Variants in ELFN1 observed in about 807,000 individuals in gnomAD.
The protein encoded by ELFN1 is protein ELFN1.
In ELFN1, 6 loss-of-function variants were observed where a neutral mutation model predicts 7.6. The ratio of observed to expected loss-of-function variants is 0.79; its 90% CI spans 0.43 to 1.56. The LOEUF is 1.56. Among genes scored for constraint, ELFN1 ranks in the 40% most tolerant of loss-of-function variants. ELFN1 has a pLI of 0.01. For synonymous variants in ELFN1, 657 were observed against 588.1 expected, an observed-to-expected ratio of 1.12 and a Z score of -1.70; for missense variants, 1,169 against 1,232.2, an observed-to-expected ratio of 0.95 and a Z score of 0.77.
chr7:1,731,629 C>T (rs1012671287), intron 3 of ELFN1, among the ~76,000 whole-genome samples: 5 of 152,170 alleles, frequency 3.3e-5, no homozygotes, highest in East Asian at 1.9e-4. Flanking sequence ...TGACATATGC[C>T]GATTTCGGAT....
intron 1 of ELFN1, among the ~76,000 whole-genome samples, chr7:1,678,125 A>T (rs1329373019): frequency 6.6e-6 from 1 of 152,168 alleles, no homozygotes; most frequent in African/African-American, 2.4e-5. Context: ...ACTCAGCTGA[A>T]TGGGCAGCTC....
chr7:1,709,821 C>A (rs989401117), intron 3 of ELFN1, among the ~76,000 whole-genome samples: 1 of 152,212 alleles, frequency 6.6e-6, no homozygotes, highest in Admixed American at 6.5e-5. Flanking sequence ...TTTGGTGACC[C>A]AGTTATGCTG....
chr7:1,683,565 G>A (rs769827036), intron 1 of ELFN1, among the ~76,000 whole-genome samples: 27 of 152,136 alleles, frequency 1.8e-4, no homozygotes, highest in Non-Finnish European at 2.5e-4. Flanking sequence ...TCAAGTTGGC[G>A]GTAATATTCA....
intron 3 of ELFN1, among the ~76,000 whole-genome samples, chr7:1,732,859 G>A (rs972656433): frequency 1.3e-5 from 2 of 152,136 alleles, no homozygotes; most frequent in African/African-American, 2.4e-5. Context: ...ACAAGCTTCG[G>A]GGAAAGGCTG....
intron 1 of ELFN1, among the ~76,000 whole-genome samples, chr7:1,674,383 C>T (rs1778826992): frequency 6.6e-6 from 1 of 152,186 alleles, no homozygotes; most frequent in South Asian, 2.1e-4. Flanking sequence ...GCCCCGGTTG[C>T]CTCCCTTCTG....
At chr7:1,693,611 T>C (rs1236348085) in intron 2 of ELFN1, 4 of 471,108 alleles carry the variant, frequency 8.5e-6, no homozygotes, top group African/African-American at 8.0e-5. Context: ...CACCGCTGTG[T>C]GAACACCTCC....
chr7:1,736,031 C>A (rs1018074391), intron 3 of ELFN1, among the ~76,000 whole-genome samples: 2 of 152,136 alleles, frequency 1.3e-5, no homozygotes, highest in African/African-American at 4.8e-5. Flanking sequence ...GGTGCACAGG[C>A]GGGCCCCCCA....
chr7:1,698,960 C>T (rs1779370931), intron 2 of ELFN1, among the ~76,000 whole-genome samples: 2 of 152,220 alleles, frequency 1.3e-5, no homozygotes, highest in Admixed American at 6.5e-5. Flanking sequence ...TCCCCCACCT[C>T]AGGGTAAACA....
At position 1,745,754 on chromosome 7, in the gene ELFN1, C is replaced by T. The variant is rs756352333; in HGVS notation, c.1158C>T (p.Ala386=). The T allele has an allele frequency of 6.3e-5, 97 of 1,551,598 alleles. No homozygotes were observed. Among genetic ancestry groups the T allele is most frequent in the Middle Eastern group, 1.7e-4 (1 of 6,016 alleles). The change falls in exon 4 of 4, where the codon GCC becomes GCT. Residue 386 remains alanine (A), a synonymous_variant. Transcript: ENST00000424383. ...CCTACTGCGTGGTGTCCACCAGCGCCGGGCTGCGCCACAACCACACCTGCC... is the reference window on the plus strand; with the variant it reads ...CCTACTGCGTGGTGTCCACCAGCGCTGGGCTGCGCCACAACCACACCTGCC... ...NYTYCVVSTS[A]GLRHNHTCLT... is the part of the protein sequence containing the mutation.
At chr7:1,690,868 A>G (rs1193872896) in intron 2 of ELFN1, among the ~76,000 whole-genome samples, 3 of 152,042 alleles carry the variant, frequency 2.0e-5, no homozygotes, top group Non-Finnish European at 4.4e-5. Context: ...GGATGCTAGA[A>G]GGATATATGG....
intron 1 of ELFN1, among the ~76,000 whole-genome samples, chr7:1,674,504 G>A (rs750020779): frequency 9.9e-5 from 15 of 152,136 alleles, no homozygotes; most frequent in Middle Eastern, 3.2e-3. Context: ...GCCCCTATAG[G>A]GTGGGCAGAG....
At chr7:1,712,311 G>A (rs1295262107) in intron 3 of ELFN1, among the ~76,000 whole-genome samples, 1 of 152,164 alleles carries the variant, frequency 6.6e-6, no homozygotes, top group African/African-American at 2.4e-5. Context: ...TAGTAGAGAC[G>A]GGGTTTCACC....
chr7:1,747,407 C>G lies in ELFN1; in HGVS notation c.*324C>G. On this transcript the variant is annotated 3_prime_UTR_variant, in exon 4 of 4. Coordinates refer to ENST00000424383, the MANE Select transcript of ELFN1 (RefSeq NM_001128636.4). Reference sequence around the variant, plus strand: ...GGATTTTTTTTTCATTATCTTTCCTCTTTTGAGTCTTCTCTGCCTTTTCTT... The same window carrying G: ...GGATTTTTTTTTCATTATCTTTCCTGTTTTGAGTCTTCTCTGCCTTTTCTT... 1 of 229,246 alleles carries G rather than the reference C, an allele frequency of 4.4e-6. No individual in the cohort carries two copies. 14.2% of individuals were successfully genotyped at this position (229,246 alleles called of 1,614,324 possible). A position where few individuals can be genotyped will look rare whatever the true frequency, so the allele number is the denominator to read the frequency against.
rs764994517 is a variant in ELFN1, at chr7:1,746,249, G to A, written c.1653G>A (p.Ser551=). The change falls in exon 4 of 4, where the codon TCG becomes TCA. Residue 551 remains serine (S), a synonymous_variant. Coordinates refer to ENST00000424383, the MANE Select transcript of ELFN1 (RefSeq NM_001128636.4). ...GGCCGGGCCCCGACAGCCAGAGTTC[G>A]GTGGCCGAGATCTCCACCATCGCCA... ...LGRPGPDSQS[S]VAEISTIAKE... is the part of the protein sequence containing the mutation. 2.3e-5 allele frequency: 35 copies of A among 1,515,318 alleles called. No individual in the cohort carries two copies. Among genetic ancestry groups the A allele is most frequent in the African/African-American group, 7.1e-5 (5 of 69,996 alleles). 93.9% of individuals were successfully genotyped at this position (1,515,318 alleles called of 1,614,324 possible).
upstream of ELFN1, among the ~76,000 whole-genome samples, chr7:1,666,833 C>T (rs1332737739): frequency 6.6e-6 from 1 of 151,876 alleles, no homozygotes; most frequent in Non-Finnish European, 1.5e-5. This position sits in a 1 kb window ranked among gnomAD's most constrained non-coding sequence, Gnocchi z 7.9. Flanking sequence ...GCTTGAACCT[C>T]CGGAGGGGGT....
At chr7:1,725,110 T>C (rs1436161185) in intron 3 of ELFN1, among the ~76,000 whole-genome samples, 1 of 151,816 alleles carries the variant, frequency 6.6e-6, no homozygotes, top group Non-Finnish European at 1.5e-5. Flanking sequence ...CAAAAAGGGG[T>C]CTCCCAGAAG....
intron 2 of ELFN1, among the ~76,000 whole-genome samples, chr7:1,708,697 C>CAGCCCCAGAGGCTCTGGGGCTGT (rs376983913): frequency 9.9e-5 from 15 of 152,102 alleles, no homozygotes; most frequent in African/African-American, 2.9e-4. Context: ...ACGGACCCAA[C>CAGCCCCAGAGGCTCTGGGGCTGT]AGCCCCAGAG....
intron 3 of ELFN1, among the ~76,000 whole-genome samples, chr7:1,741,514 C>T (rs980463594): frequency 5.3e-5 from 8 of 152,102 alleles, no homozygotes; most frequent in Admixed American, 2.0e-4. Flanking sequence ...GGTGAGGCTG[C>T]GTTCCCAGCA....
chr7:1,666,180 G>C (rs1290443827), upstream of ELFN1, among the ~76,000 whole-genome samples: 1 of 152,010 alleles, frequency 6.6e-6, no homozygotes, highest in African/African-American at 2.4e-5. This position sits in a 1 kb window ranked among gnomAD's most constrained non-coding sequence, Gnocchi z 7.9. Flanking sequence ...GGTAAGAAGG[G>C]GCCTGAGGGG....
Sources: gnomAD v4.1 joint callset for allele counts (sites outside exome capture counted in the v4.1 genomes callset) on GRCh38, gnomAD v4.1.1 for gene constraint, Gnocchi (gnomAD v3.1) non-coding constraint, MANE v1.5 for transcripts, NCBI Gene and HGNC (gene_info 2026-07-23, HGNC 2026-07-21) for gene names.